ZNF215: variants seen among roughly 807,000 people sequenced by gnomAD.
ZNF215 encodes BWSCR2-associated zinc finger protein 2.
Under a neutral mutation model 27.2 loss-of-function variants are expected in ZNF215, and 24 were observed. That is an observed-to-expected ratio of 0.88 (90% CI 0.64 to 1.24). ZNF215 has a LOEUF of 1.24. Among genes scored for constraint, ZNF215 ranks in the 50% most tolerant of loss-of-function variants. ZNF215 has a pLI of 0.00. For missense variants in ZNF215, 675 were observed against 605.7 expected, an observed-to-expected ratio of 1.11 and a Z score of -1.20; for synonymous variants, 210 against 204.0, an observed-to-expected ratio of 1.03 and a Z score of -0.25.
At chr11:6,966,918 G>A (rs1001094254) in intron 5 of ZNF215, among the ~76,000 whole-genome samples, 2 of 151,772 alleles carry the variant, frequency 1.3e-5, no homozygotes, top group East Asian at 1.9e-4. Context: ...CCATCAACTC[G>A]TCATCTGCAT....
At chr11:6,953,710 C>T (rs888983369) in intron 6 of ZNF215, among the ~76,000 whole-genome samples, 3 of 152,214 alleles carry the variant, frequency 2.0e-5, no homozygotes, top group African/African-American at 7.2e-5. Context: ...GTAGTTTGAT[C>T]ATCTGAAGCC....
chr11:6,952,484 T>C (rs1391358044), intron 6 of ZNF215, among the ~76,000 whole-genome samples: 1 of 152,180 alleles, frequency 6.6e-6, no homozygotes, highest in African/African-American at 2.4e-5. Flanking sequence ...TTTACCATTA[T>C]GTAATGGCCT....
At chr11:6,931,400 T>C (rs1849254334) in intron 2 of ZNF215, among the ~76,000 whole-genome samples, 1 of 152,206 alleles carries the variant, frequency 6.6e-6, no homozygotes, top group Non-Finnish European at 1.5e-5. Flanking sequence ...TGAAGAAAAG[T>C]GCATATTATT....
In ZNF215 at chr11:6,943,080, T is replaced by G. The variant is rs762533252; in HGVS notation, c.484-3T>G. 8.7e-6 allele frequency: 14 copies of G among 1,609,602 alleles called. No homozygotes were observed. Among genetic ancestry groups the G allele is most frequent in the Non-Finnish European group, 1.2e-5 (14 of 1,178,758 alleles). ...TTGATTAAAAAGGAACTTAATGTTT[T>G]AGGAACCAGTGACATTCAAAGATGT... is the stretch of plus-strand genomic sequence containing the variant. On this transcript the variant is annotated splice_region_variant and splice_polypyrimidine_tract_variant and intron_variant, in intron 4 of 6. Coordinates refer to ENST00000278319, the MANE Select transcript of ZNF215 (RefSeq NM_013250.4).
Position 6,943,113 on chromosome 11 carries a change from G to A in ZNF215, c.514G>A (p.Glu172Lys), listed in dbSNP as rs754584317. Residue 172 changes from glutamate to lysine, a missense_variant, in exon 5 of 7, where the codon GAA (glutamate) becomes AAA (lysine). Glu to Lys is a moderately conservative substitution (Grantham distance 56, BLOSUM62 1). Coordinates refer to ENST00000278319, the MANE Select transcript of ZNF215 (RefSeq NM_013250.4). ...AGTGACATTCAAAGATGTGGTTGTG[G>A]AATTCAGCAAGGAAGAGTGGGGGCA... The part of the protein sequence containing the change: ...EPVTFKDVVV[E>K]FSKEEWGQLD... 7 of 1,613,628 alleles carry A rather than the reference G, an allele frequency of 4.3e-6. No homozygotes were observed. The highest frequency in any genetic ancestry group is 5.9e-6 in the Non-Finnish European group (7 of 1,179,878).
chr11:6,950,400 A>T (rs374075188), intron 6 of ZNF215, among the ~76,000 whole-genome samples: 63 of 151,646 alleles, frequency 4.2e-4, no homozygotes, highest in African/African-American at 1.4e-3. Context: ...TATCCTCTTT[A>T]ATTTCATTGA....
At position 6,929,784 on chromosome 11, in the gene ZNF215, C is replaced by A. The variant is rs1602566; in HGVS notation, c.-180+1977C>A. On this transcript the variant is annotated intron_variant, in intron 2 of 6. Coordinates refer to ENST00000278319, the MANE Select transcript of ZNF215 (RefSeq NM_013250.4). Reference sequence around the variant, plus strand: ...TGTAAATTTACCTTCCCCCTCCCCCCACCCCACAGCATTTCCTCTTTGGCA... The same window carrying A: ...TGTAAATTTACCTTCCCCCTCCCCCAACCCCACAGCATTTCCTCTTTGGCA... Among the ~76,000 whole-genome samples the A allele has an allele frequency of 3.4e-5, 5 of 146,820 alleles. No individual in the cohort carries two copies. In the South Asian group the frequency reaches 6.7e-4, roughly 20 times the overall value.
intron 5 of ZNF215, among the ~76,000 whole-genome samples, chr11:6,967,109 C>T (rs1850637344): frequency 6.6e-6 from 1 of 152,062 alleles, no homozygotes; most frequent in Non-Finnish European, 1.5e-5. Context: ...TGGTTTTCAG[C>T]TTCATCCATG....
chr11:6,953,259 TTC>T (rs1850158567), intron 6 of ZNF215, among the ~76,000 whole-genome samples: 1 of 152,202 alleles, frequency 6.6e-6, no homozygotes, highest in East Asian at 1.9e-4. Flanking sequence ...TTCTCTGTAT[TTC>T]CTGAATCTGA....
At chr11:6,988,409 T>A, downstream of ZNF215, 1 of 256,324 alleles carries the variant, frequency 3.9e-6, no homozygotes, top group Non-Finnish European at 6.1e-6. Context: ...GGCTTTAATG[T>A]AACTGATTTT....
intron 6 of ZNF215, among the ~76,000 whole-genome samples, chr11:6,946,300 T>C (rs113599977): frequency 1.3e-5 from 2 of 152,310 alleles, no homozygotes; most frequent in African/African-American, 2.4e-5. Context: ...AAATACTATA[T>C]TGATTTCAGT....
chr11:6,953,496 C>T (rs1850178561), intron 6 of ZNF215, among the ~76,000 whole-genome samples: 1 of 152,178 alleles, frequency 6.6e-6, no homozygotes, highest in Non-Finnish European at 1.5e-5. Context: ...CATCTTCCAT[C>T]ACTGATACCC....
intron 5 of ZNF215, among the ~76,000 whole-genome samples, chr11:6,980,800 CT>C (rs951118571): frequency 5.0e-5 from 7 of 141,324 alleles, no homozygotes; most frequent in African/African-American, 1.8e-4. Flanking sequence ...TGATGTTCCC[CT>C]TCCTGTGTCC....
chr11:6,939,690 G>A (rs1849569279), intron 3 of ZNF215, among the ~76,000 whole-genome samples: 1 of 152,070 alleles, frequency 6.6e-6, no homozygotes, highest in Non-Finnish European at 1.5e-5. Context: ...ATGGAATGAG[G>A]GTTTCAGAAA....
chr11:6,954,955 A>T (rs930179571), intron 6 of ZNF215, among the ~76,000 whole-genome samples: 9 of 152,198 alleles, frequency 5.9e-5, no homozygotes, highest in Admixed American at 3.9e-4. Context: ...AAATGAGAGG[A>T]ATTTTGAGAA....
intron 6 of ZNF215, among the ~76,000 whole-genome samples, chr11:6,954,285 T>G (rs1850222701): frequency 6.6e-6 from 1 of 152,356 alleles, no homozygotes; most frequent in South Asian, 2.1e-4. Context: ...CAGGGACATT[T>G]AAGTCTGCAG....
chr11:6,937,493 T>C (rs1181682926), intron 3 of ZNF215, among the ~76,000 whole-genome samples: 2 of 76,474 alleles, frequency 2.6e-5, no homozygotes, highest in Admixed American at 1.4e-4. Context: ...CTGCTTTTTT[T>C]TTTTTTTTTT....
downstream of ZNF215, among the ~76,000 whole-genome samples, chr11:6,958,583 T>G (rs1670486270): frequency 1.3e-5 from 2 of 152,204 alleles, no homozygotes; most frequent in African/African-American, 4.8e-5. Context: ...ATTAGCGTTC[T>G]CTAGAGGGAC....
chr11:6,969,695 A>G (rs972422350), intron 5 of ZNF215, among the ~76,000 whole-genome samples: 2 of 152,220 alleles, frequency 1.3e-5, no homozygotes, highest in Non-Finnish European at 2.9e-5. Context: ...ATGATGGATT[A>G]TATCCTAAGA....
Sources: allele counts gnomAD v4.1 joint callset (sites outside exome capture counted in the v4.1 genomes callset), GRCh38; gene constraint gnomAD v4.1.1; transcripts MANE v1.5; gene names NCBI Gene and HGNC (gene_info 2026-07-23, HGNC 2026-07-21).